Variants in STK33 observed in about 807,000 individuals in gnomAD.
STK33 encodes the protein serine/threonine-protein kinase 33.
A neutral mutation model predicts 58.0 loss-of-function variants in STK33; 52 were observed. The ratio of observed to expected loss-of-function variants is 0.90; its 90% confidence interval spans 0.72 to 1.13. The LOEUF is 1.13. STK33 is among the 50% of genes most tolerant of loss of function. The pLI is 0.00. For synonymous variants in STK33, 215 were observed against 200.1 expected (o/e 1.07, Z -0.63); for missense variants, 630 against 604.2 (o/e 1.04, Z -0.45).
the STK33 span, among the ~76,000 whole-genome samples, chr11:8,386,677 G>A: frequency 2.0e-5 from 3 of 152,160 alleles, no homozygotes; most frequent in African/African-American, 7.2e-5. Flanking sequence ...GCTGCCCCCT[G>A]AACCAGGACG....
chr11:8,401,949 T>G (rs367684916), intron 15 of STK33, among the ~76,000 whole-genome samples: 26,921 of 151,386 alleles, frequency 0.18, 2,440 homozygotes, highest in African/African-American at 0.24. Context: ...TGGCGATCAT[T>G]AAAAAGTCAG....
rs147245248 is a variant in STK33, at chr11:8,520,984, T to C, written c.-465-40370A>G. Among the ~76,000 whole-genome samples, 1,165 of 151,242 alleles carry C rather than the reference T, an allele frequency of 7.7e-3. 18 individuals carry two copies. The highest frequency in any genetic ancestry group is 0.026 in the African/African-American group (1,069 of 41,420). On this transcript the variant is annotated intron_variant, in intron 1 of 15. Coordinates refer to ENST00000687296, the MANE Select transcript of STK33 (RefSeq NM_001352389.2). Reference sequence around the variant, plus strand: ...ATGATAATGAATGAAATTGGATCTTTATCTAAATTTATAATTTATAAGGTA... The same window carrying C: ...ATGATAATGAATGAAATTGGATCTTCATCTAAATTTATAATTTATAAGGTA...
intron 1 of STK33, among the ~76,000 whole-genome samples, chr11:8,556,511 G>A (rs1442087142): frequency 1.3e-5 from 2 of 152,052 alleles, no homozygotes; most frequent in African/African-American, 4.8e-5. Flanking sequence ...AAAACCTCTT[G>A]CCTCTGCCTG....
chr11:8,492,390 G>C (rs915098237), intron 1 of STK33, among the ~76,000 whole-genome samples: 9 of 152,158 alleles, frequency 5.9e-5, no homozygotes, highest in African/African-American at 1.9e-4. Context: ...TCAACAAGAA[G>C]AGCTAACTAT....
At chr11:8,540,992 CTCTA>C (rs71452474) in intron 1 of STK33, among the ~76,000 whole-genome samples, 13,191 of 137,390 alleles carry the variant, frequency 0.096, 601 homozygotes, top group African/African-American at 0.13. Flanking sequence ...CTCTCTCTCT[CTCTA>C]TATATATATA....
At chr11:8,484,348 C>G (rs544263108) in intron 1 of STK33, among the ~76,000 whole-genome samples, 3 of 152,284 alleles carry the variant, frequency 2.0e-5, no homozygotes, top group East Asian at 3.9e-4. Flanking sequence ...ATGACAGCAT[C>G]AGGAAATTAT....
At chr11:8,444,659 A>G (rs1945192071) in intron 11 of STK33, among the ~76,000 whole-genome samples, 1 of 152,204 alleles carries the variant, frequency 6.6e-6, no homozygotes, top group African/African-American at 2.4e-5. Context: ...CATAATATGC[A>G]TATTTATGTC....
chr11:8,532,022 T>C (rs947659916), intron 1 of STK33, among the ~76,000 whole-genome samples: 1 of 152,062 alleles, frequency 6.6e-6, no homozygotes, highest in African/African-American at 2.4e-5. Flanking sequence ...ACAGCTGGGG[T>C]ATATGAAACT....
intron 1 of STK33, among the ~76,000 whole-genome samples, chr11:8,568,439 C>T (rs1393845747): frequency 2.0e-5 from 3 of 152,074 alleles, no homozygotes; most frequent in African/African-American, 7.2e-5. Flanking sequence ...AAAACAATTA[C>T]AAAAATGAAT....
intron 1 of STK33, among the ~76,000 whole-genome samples, chr11:8,564,689 T>C (rs1487021241): frequency 2.6e-5 from 4 of 152,156 alleles, no homozygotes; most frequent in African/African-American, 9.7e-5. Flanking sequence ...ATTAAAAGCA[T>C]TCTTAGCTGA....
chr11:8,355,365 G>C, the STK33 span, among the ~76,000 whole-genome samples: 1 of 152,252 alleles, frequency 6.6e-6, no homozygotes, highest in Non-Finnish European at 1.5e-5. Flanking sequence ...AATCAAATCT[G>C]TCATTTCATT....
intron 1 of STK33, among the ~76,000 whole-genome samples, chr11:8,486,481 T>G (rs532734714): frequency 6.6e-6 from 1 of 152,184 alleles, no homozygotes; most frequent in Non-Finnish European, 1.5e-5. Flanking sequence ...TTAGACATCA[T>G]CTCCCCTGAA....
the STK33 span, among the ~76,000 whole-genome samples, chr11:8,366,405 G>A: frequency 7.9e-5 from 12 of 152,358 alleles, no homozygotes; most frequent in South Asian, 2.5e-3. Context: ...CAGCCCCACA[G>A]GAGACGGTTA....
chr11:8,344,229 A>ACACACACACACACACACACC, the STK33 span, among the ~76,000 whole-genome samples: 7 of 150,374 alleles, frequency 4.7e-5, no homozygotes, highest in East Asian at 5.9e-4. Context: ...ACACACACAC[A>ACACACACACACACACACACC]CCCCAGTTAG....
At chr11:8,402,713 C>T (rs367618906) in intron 15 of STK33, among the ~76,000 whole-genome samples, 38 of 152,326 alleles carry the variant, frequency 2.5e-4, no homozygotes, top group African/African-American at 8.9e-4. Flanking sequence ...CACCATGGTG[C>T]CCTCCAGGCC....
chr11:8,552,433 T>A (rs1956364268), intron 1 of STK33, among the ~76,000 whole-genome samples: 1 of 152,194 alleles, frequency 6.6e-6, no homozygotes, highest in Non-Finnish European at 1.5e-5. Flanking sequence ...CTTTTCTACT[T>A]TATAAACTTT....
chr11:8,430,418 G>T (rs896145058), intron 14 of STK33, among the ~76,000 whole-genome samples: 6 of 151,544 alleles, frequency 4.0e-5, no homozygotes, highest in African/African-American at 7.3e-5. Flanking sequence ...CAATCTTTTC[G>T]CTTCCCTGGG....
intron 1 of STK33, among the ~76,000 whole-genome samples, chr11:8,542,176 C>G (rs1035877254): frequency 2.0e-5 from 3 of 152,134 alleles, no homozygotes; most frequent in Admixed American, 6.5e-5. Context: ...ATAAATGTTA[C>G]AGAATCACGA....
intron 1 of STK33, among the ~76,000 whole-genome samples, chr11:8,575,509 T>C (rs1958117172): frequency 1.3e-5 from 2 of 152,148 alleles, no homozygotes; most frequent in Non-Finnish European, 2.9e-5. Context: ...ATGACAAATA[T>C]TGTATAATTC....
Sources: allele counts gnomAD v4.1 joint callset (sites outside exome capture counted in the v4.1 genomes callset), GRCh38; gene constraint gnomAD v4.1.1; transcripts MANE v1.5; gene names NCBI Gene and HGNC (gene_info 2026-07-23, HGNC 2026-07-21).